SLC39A9: variants seen among roughly 807,000 people sequenced by gnomAD.
SLC39A9 encodes solute carrier family 39 member 9, also known as zinc transporter ZIP9.
A neutral mutation model predicts 28.4 loss-of-function variants in SLC39A9; 14 were observed. The ratio of observed to expected loss-of-function variants is 0.49; its 90% confidence interval spans 0.33 to 0.77. SLC39A9 has a LOEUF of 0.77. SLC39A9 is among the 30% of genes least tolerant of loss of function. The probability of loss-of-function intolerance (pLI) is 0.02; values close to 1 mark genes in which losing one functional copy is unlikely to be tolerated. For missense variants in SLC39A9, 283 were observed against 381.1 expected (o/e 0.74, Z 2.14); for synonymous variants, 119 against 149.6 (o/e 0.80, Z 1.49).
intron 1 of SLC39A9, among the ~76,000 whole-genome samples, chr14:69,402,747 A>G (rs1421079516): frequency 2.0e-5 from 3 of 152,176 alleles, no homozygotes; most frequent in Admixed American, 6.6e-5. Flanking sequence ...CAGGATGTAA[A>G]TTTTTTCAGT....
chr14:69,423,946 A>G (rs1329014781), intron 1 of SLC39A9, 148 bp from the exon 2 acceptor site: 3 of 562,538 alleles, frequency 5.3e-6, no homozygotes, highest in Middle Eastern at 3.4e-4. Flanking sequence ...GGCATTACTC[A>G]TGCAATTGAT....
intron 1 of SLC39A9, among the ~76,000 whole-genome samples, chr14:69,416,915 G>A (rs1883607971): frequency 6.6e-6 from 1 of 152,184 alleles, no homozygotes; most frequent in Non-Finnish European, 1.5e-5. Context: ...CTCCCCTTCT[G>A]TAGGTTGCCT....
intron 4 of SLC39A9, 61 bp from the exon 5 acceptor site, chr14:69,454,751 A>C: frequency 7.1e-7 from 1 of 1,415,400 alleles, no homozygotes; most frequent in Non-Finnish European, 1.0e-6. Flanking sequence ...ACACTCAACC[A>C]CTACACTGTT....
chr14:69,430,631 T>TC (rs1414672695), intron 2 of SLC39A9, among the ~76,000 whole-genome samples: 1 of 150,242 alleles, frequency 6.7e-6, no homozygotes, highest in African/African-American at 2.4e-5. Context: ...TTTCTTTCTT[T>TC]TTTTTTTTTT....
intron 1 of SLC39A9, among the ~76,000 whole-genome samples, chr14:69,410,514 T>G (rs540575695): frequency 2.6e-5 from 4 of 152,364 alleles, no homozygotes; most frequent in East Asian, 1.9e-4. Flanking sequence ...GGTTAAAGAC[T>G]TGTCCTGTTT....
intron 2 of SLC39A9, among the ~76,000 whole-genome samples, chr14:69,437,702 C>T (rs943441116): frequency 1.1e-4 from 16 of 151,386 alleles, no homozygotes; most frequent in Admixed American, 2.6e-4. Context: ...CAGTTCTCTG[C>T]CTCAGCCTCC....
At chr14:69,425,764 C>G (rs1404833913) in intron 2 of SLC39A9, among the ~76,000 whole-genome samples, 2 of 151,934 alleles carry the variant, frequency 1.3e-5, no homozygotes, top group South Asian at 2.1e-4. Flanking sequence ...TTTAAGCAAT[C>G]CTCCCACCTC....
chr14:69,457,189 C>T lies in SLC39A9; in HGVS notation c.694-1174C>T, dbSNP rs375368251. 3.4e-3 allele frequency among the ~76,000 whole-genome samples: 449 copies of T among 130,622 alleles called. 2 individuals are homozygous for T. The highest frequency in any genetic ancestry group is 0.013 in the African/African-American group (428 of 33,816). The allele number at this position is 130,622 out of a possible 152,430, so 85.7% of individuals were successfully genotyped here. ...TATGAGATATACATATATATACACA[C>T]ACACACACACACACACATTTTTTTT... On this transcript the variant is annotated intron_variant, in intron 6 of 6. Coordinates refer to ENST00000336643, the MANE Select transcript of SLC39A9 (RefSeq NM_018375.5).
At chr14:69,453,142 G>C (rs1011590929) in intron 3 of SLC39A9, 99 bp from the exon 4 acceptor site, 5 of 1,026,554 alleles carry the variant, frequency 4.9e-6, no homozygotes, top group Non-Finnish European at 7.4e-6. Context: ...TTTGAGACCA[G>C]CCTGGCCAAC....
At chr14:69,401,409 A>G (rs942202591) in intron 1 of SLC39A9, among the ~76,000 whole-genome samples, 6 of 152,160 alleles carry the variant, frequency 3.9e-5, no homozygotes, top group African/African-American at 1.4e-4. Flanking sequence ...TTGAATTGAC[A>G]TTAGTAGGGC....
chr14:69,423,267 A>G (rs1412930260), intron 1 of SLC39A9, among the ~76,000 whole-genome samples: 1 of 152,116 alleles, frequency 6.6e-6, no homozygotes, highest in Non-Finnish European at 1.5e-5. Context: ...ATCCATTAAC[A>G]TATTTATTTC....
At chr14:69,434,896 G>A (rs1035680536) in intron 2 of SLC39A9, among the ~76,000 whole-genome samples, 16 of 152,210 alleles carry the variant, frequency 1.1e-4, no homozygotes, top group Non-Finnish European at 2.2e-4. Flanking sequence ...GCTTGGTTTT[G>A]CCCCCGATTC....
At chr14:69,442,786 G>A (rs1261690747) in intron 3 of SLC39A9, among the ~76,000 whole-genome samples, 2 of 152,146 alleles carry the variant, frequency 1.3e-5, no homozygotes, top group Admixed American at 1.3e-4. Flanking sequence ...TAGTATGCTA[G>A]CTATTACATA....
At position 69,415,268 on chromosome 14, in the gene SLC39A9, C is replaced by T. The variant is rs78653191; in HGVS notation, c.97-8826C>T. ...CAGCAATGTGTGAGTTTTCCAGTTGCTCTATATCTTGTAATTATTTAAAGT... is the reference window on the plus strand; with the variant it reads ...CAGCAATGTGTGAGTTTTCCAGTTGTTCTATATCTTGTAATTATTTAAAGT... On this transcript the variant is annotated intron_variant, in intron 1 of 6. Coordinates refer to ENST00000336643, the MANE Select transcript of SLC39A9 (RefSeq NM_018375.5). Among the ~76,000 whole-genome samples, 108 of 152,264 alleles carry T rather than the reference C, an allele frequency of 7.1e-4. 3 individuals are homozygous for T. The East Asian group carries it at 0.018, about 26-fold the overall frequency.
chr14:69,421,582 T>G (rs943259886), intron 1 of SLC39A9, among the ~76,000 whole-genome samples: 2 of 152,166 alleles, frequency 1.3e-5, no homozygotes, highest in African/African-American at 4.8e-5. Context: ...CTGCTGCCTT[T>G]TATTCAGCTA....
chr14:69,448,959 A>G (rs756438606), intron 3 of SLC39A9, among the ~76,000 whole-genome samples: 1 of 152,184 alleles, frequency 6.6e-6, no homozygotes, highest in Non-Finnish European at 1.5e-5. Flanking sequence ...TAATCAATAT[A>G]TTGGTCCATC....
chr14:69,417,523 G>A (rs1462244138), intron 1 of SLC39A9, among the ~76,000 whole-genome samples: 1 of 152,212 alleles, frequency 6.6e-6, no homozygotes, highest in African/African-American at 2.4e-5. Flanking sequence ...GTCATTGGTA[G>A]CTTGATGGGG....
In SLC39A9 at chr14:69,454,843, T is replaced by C. The variant is rs1052264313; in HGVS notation, c.504T>C (p.Ser168=). 7 of 1,614,122 alleles carry C rather than the reference T, an allele frequency of 4.3e-6. No homozygotes were observed. Among genetic ancestry groups the C allele is most frequent in the Non-Finnish European group, 5.9e-6 (7 of 1,179,980 alleles). ...GTGTTGCTTTGGGAGCAGCAGCATCTACTTCACAGACCAGTGTCCAGTTAA... is the reference window on the plus strand; with the variant it reads ...GTGTTGCTTTGGGAGCAGCAGCATCCACTTCACAGACCAGTGTCCAGTTAA... The part of the protein sequence containing the change: ...ADGVALGAAA[S]TSQTSVQLIV... Residue 168 remains serine (S), a synonymous_variant, in exon 5 of 7, where the codon TCT becomes TCC. Transcript: ENST00000336643.
At chr14:69,421,255 C>G (rs1488470741) in intron 1 of SLC39A9, among the ~76,000 whole-genome samples, 1 of 152,204 alleles carries the variant, frequency 6.6e-6, no homozygotes, top group Non-Finnish European at 1.5e-5. Context: ...CAGTCAGGTC[C>G]CTCAGCTGCA....
Sources: gnomAD v4.1 joint callset for allele counts (sites outside exome capture counted in the v4.1 genomes callset) on GRCh38, gnomAD v4.1.1 for gene constraint, MANE v1.5 for transcripts, NCBI Gene and HGNC (gene_info 2026-07-23, HGNC 2026-07-21) for gene names.